The following ANTXR1 variants were observed in gnomAD, a reference collection of about 807,000 sequenced individuals.
ANTXR1 encodes the protein ANTXR cell adhesion molecule 1, also known as anthrax toxin receptor 1.
Under a neutral mutation model 78.1 loss-of-function variants are expected in ANTXR1, and 19 were observed. The observed-to-expected ratio is 0.24, with a 90% CI of 0.17 to 0.36. The LOEUF is 0.36. Among genes scored for constraint, ANTXR1 ranks in the 10% least tolerant of loss-of-function variants. ANTXR1 has a pLI of 1.00. For missense variants in ANTXR1, 518 were observed against 718.6 expected (o/e 0.72, Z 3.19); for synonymous variants, 273 against 260.5 (o/e 1.05, Z -0.46).
intron 13 of ANTXR1, 147 bp from the exon 14 acceptor site, chr2:69,170,101 C>T: frequency 2.5e-6 from 2 of 800,660 alleles, no homozygotes; most frequent in Admixed American, 2.0e-5. Flanking sequence ...GCAAAGACAC[C>T]TCTCATGGCA....
At chr2:69,163,406 C>T (rs1673738099) in intron 13 of ANTXR1, among the ~76,000 whole-genome samples, 1 of 152,166 alleles carries the variant, frequency 6.6e-6, no homozygotes, top group African/African-American at 2.4e-5. Flanking sequence ...TTTCTTCACT[C>T]CATCACACAT....
At chr2:69,145,598 C>T (rs1673200993) in intron 12 of ANTXR1, 1 of 1,355,322 alleles carries the variant, frequency 7.4e-7, no homozygotes, top group Non-Finnish European at 9.5e-7. Flanking sequence ...ACTGGAGGCA[C>T]TTTATTGGCT....
At chr2:69,200,491 G>A (rs1332591487) in intron 17 of ANTXR1, among the ~76,000 whole-genome samples, 1 of 152,246 alleles carries the variant, frequency 6.6e-6, no homozygotes, top group African/African-American at 2.4e-5. Flanking sequence ...TAAGCCTCCT[G>A]TAGCAGGCCT....
At chr2:69,158,466 C>T (rs1388290430) in intron 13 of ANTXR1, among the ~76,000 whole-genome samples, 1 of 152,174 alleles carries the variant, frequency 6.6e-6, no homozygotes, top group Non-Finnish European at 1.5e-5. Context: ...TTTCTCACAC[C>T]TGTTTTAGAG....
rs1671668642 is a variant in ANTXR1 at position 69,102,824 on chromosome 2, CATT to C, written c.704-14_704-12del. 3 of 1,611,844 alleles carry C rather than the reference CATT, an allele frequency of 1.9e-6. No individual in the cohort carries two copies. Among genetic ancestry groups the C allele is most frequent in the South Asian group, 1.1e-5 (1 of 91,010 alleles). On this transcript the variant is annotated splice_polypyrimidine_tract_variant and intron_variant, in intron 9 of 17. Transcript: ENST00000303714. The stretch of plus-strand genomic sequence containing the variant: ...TTATTGGCCAAGTAACGAGTCTCGT[CATT>C]ATTCTTTATTTCAGAGTCATTTCAA...
At chr2:69,240,227 T>C (rs1369660452) in intron 17 of ANTXR1, among the ~76,000 whole-genome samples, 1 of 152,270 alleles carries the variant, frequency 6.6e-6, no homozygotes, top group Non-Finnish European at 1.5e-5. Flanking sequence ...GAGTGCCAAC[T>C]TGAATGTTGG....
At chr2:69,071,877 A>G (rs540009372) in intron 5 of ANTXR1, 90 bp downstream of exon 5, 1 of 1,154,868 alleles carries the variant, frequency 8.7e-7, no homozygotes, top group East Asian at 2.4e-5. Flanking sequence ...TCATGTTTCA[A>G]AAGACATGTA....
chr2:69,131,623 T>C (rs981202115), intron 12 of ANTXR1, among the ~76,000 whole-genome samples: 2 of 152,168 alleles, frequency 1.3e-5, no homozygotes, highest in African/African-American at 4.8e-5. Context: ...ACCCAGCACC[T>C]GGCACAATGT....
At chr2:69,071,677 G>A (rs1670570103) in intron 4 of ANTXR1, 77 bp from the exon 5 acceptor site, 1 of 1,424,398 alleles carries the variant, frequency 7.0e-7, no homozygotes, top group Non-Finnish European at 9.9e-7. Context: ...TTCAACAACA[G>A]AGCCCATTAT....
At chr2:69,117,502 C>T (rs1018728293) in intron 10 of ANTXR1, among the ~76,000 whole-genome samples, 1 of 152,124 alleles carries the variant, frequency 6.6e-6, no homozygotes, top group African/African-American at 2.4e-5. Flanking sequence ...GTGTGTGTAT[C>T]TATACACACA....
rs189870665 is a variant in ANTXR1 at position 69,031,914 on chromosome 2, G to C, written c.153-8130G>C. On this transcript the variant is annotated intron_variant, in intron 1 of 17. Transcript: ENST00000303714. ...CACTGCTCCAGGGTGGCTCCTGCCA[G>C]ATGGATGTCTCCGACTGACCAGGGT... Among the ~76,000 whole-genome samples the C allele has an allele frequency of 2.6e-3, 403 of 152,328 alleles. 4 individuals are homozygous for C. Among genetic ancestry groups the C allele is most frequent in the African/African-American group, 9.2e-3 (381 of 41,574 alleles).
At chr2:69,206,902 C>A (rs1469544113) in intron 17 of ANTXR1, among the ~76,000 whole-genome samples, 1 of 152,196 alleles carries the variant, frequency 6.6e-6, no homozygotes, top group Non-Finnish European at 1.5e-5. Context: ...CTGGACCTTA[C>A]AAGCAATTTG....
chr2:69,193,167 C>T (rs547878548), intron 16 of ANTXR1, among the ~76,000 whole-genome samples, 168 bp from the exon 17 acceptor site: 2 of 152,292 alleles, frequency 1.3e-5, no homozygotes, highest in South Asian at 2.1e-4. Flanking sequence ...ATTCATGAAG[C>T]TCCAGTTTTG....
In ANTXR1 at chr2:69,152,201, G is replaced by C; in HGVS notation, c.984G>C (p.Leu328=). 1 of 1,614,132 alleles carries C rather than the reference G, an allele frequency of 6.2e-7. No homozygotes were observed. Among genetic ancestry groups the C allele is most frequent in the South Asian group, 1.1e-5 (1 of 91,080 alleles). The change falls in exon 13 of 18, where the codon CTG becomes CTC. Residue 328 remains leucine (L), a synonymous_variant. Transcript: ENST00000303714. The part of the protein sequence containing the change: ...SDGSILAIAL[L]ILFLLLALAL... ...GTTCCATCCTGGCCATCGCCCTGCT[G>C]ATCCTGTTCCTGCTCCTAGCCCTGG...
intron 13 of ANTXR1, among the ~76,000 whole-genome samples, 195 bp downstream of exon 13, chr2:69,152,459 A>G (rs1205162832): frequency 6.6e-6 from 1 of 152,216 alleles, no homozygotes; most frequent in Non-Finnish European, 1.5e-5. Flanking sequence ...AGTATGAGTT[A>G]GGGTGTGAGA....
chr2:69,089,868 C>T (rs897101834), intron 8 of ANTXR1, among the ~76,000 whole-genome samples: 1 of 152,120 alleles, frequency 6.6e-6, no homozygotes, highest in Admixed American at 6.5e-5. Context: ...AACTCAATGT[C>T]TTATACTTGT....
intron 12 of ANTXR1, among the ~76,000 whole-genome samples, chr2:69,139,339 C>T (rs1011001060): frequency 1.7e-4 from 26 of 152,216 alleles, no homozygotes; most frequent in African/African-American, 5.8e-4. Flanking sequence ...CATTGCAGCA[C>T]CTTTGAGAGT....
intron 17 of ANTXR1, 100 bp from the exon 18 acceptor site, chr2:69,245,125 C>G (rs546852881): frequency 1.0e-5 from 14 of 1,401,220 alleles, no homozygotes; most frequent in Non-Finnish European, 1.4e-5. Flanking sequence ...CCAACAGGGG[C>G]CAGCTTTCCA....
chr2:69,228,055 T>C (rs72903154), intron 17 of ANTXR1, among the ~76,000 whole-genome samples: 1,720 of 152,352 alleles, frequency 0.011, 34 homozygotes, highest in African/African-American at 0.04. Context: ...TGTCACAGTA[T>C]ATTTTTGTGT....
Sources: allele counts gnomAD v4.1 joint callset (sites outside exome capture counted in the v4.1 genomes callset), GRCh38; gene constraint gnomAD v4.1.1; transcripts MANE v1.5; gene names NCBI Gene and HGNC (gene_info 2026-07-23, HGNC 2026-07-21).